The following VARS2 variants were observed in gnomAD, a reference collection of about 807,000 sequenced individuals.
VARS2 encodes valyl-tRNA synthetase 2, mitochondrial.
In VARS2, 105 loss-of-function variants were observed where a neutral mutation model predicts 154.1. The observed-to-expected ratio is 0.68, with a 90% CI of 0.58 to 0.80. The LOEUF (loss-of-function observed/expected upper bound fraction) is 0.80. Among genes scored for constraint, VARS2 ranks in the 30% least tolerant of loss-of-function variants. The pLI, the probability that VARS2 is intolerant of heterozygous loss-of-function variation, is 0.00. For synonymous variants in VARS2, 483 were observed against 539.5 expected (o/e 0.90, Z 1.45); for missense variants, 1,157 against 1,361.4 (o/e 0.85, Z 2.36).
At chr6:30,923,582 C>T in intron 25 of VARS2, 77 bp downstream of exon 25, 1 of 1,547,738 alleles carries the variant, frequency 6.5e-7, no homozygotes, top group South Asian at 1.2e-5. Flanking sequence ...GCAGAGAGCT[C>T]TGGAGTTAAT....
At chr6:30,914,595 C>A in intron 1 of VARS2, 1 of 1,250,076 alleles carries the variant, frequency 8.0e-7, no homozygotes, top group Non-Finnish European at 1.1e-6. Context: ...TCCAGACACT[C>A]CGGCCCTGTT....
At chr6:30,923,616 T>TAGGAG in intron 25 of VARS2, 111 bp downstream of exon 25, 7 of 1,464,858 alleles carry the variant, frequency 4.8e-6, no homozygotes, top group Non-Finnish European at 6.4e-6. Context: ...TCCCCTCAGT[T>TAGGAG]AGGAGAGGAG....
rs1351684617 is a variant in VARS2 at position 30,921,165 on chromosome 6, C to T, written c.1556+24C>T. The T allele has an allele frequency of 1.9e-6, 3 of 1,613,810 alleles. No individual in the cohort carries two copies. The highest frequency in any genetic ancestry group is 2.5e-6 in the Non-Finnish European group (3 of 1,179,848). ...GGGTAAGGGTAGGGTAAGGGGAGCTCTTGTGGAGATGGGGAGGGGGGACTG... is the reference window on the plus strand; with the variant it reads ...GGGTAAGGGTAGGGTAAGGGGAGCTTTTGTGGAGATGGGGAGGGGGGACTG... On this transcript the variant is annotated intron_variant, in intron 16 of 29. Transcript: ENST00000676266. This position sits in a 1 kb window ranked among gnomAD's most constrained non-coding sequence, Gnocchi z 4.6.
Position 30,922,905 on chromosome 6 carries a change from A to G in VARS2, c.2114A>G (p.Asp705Gly), listed in dbSNP as rs1355458021. Residue 705 changes from aspartate (D) to glycine (G), a missense_variant, in exon 23 of 30, where the codon GAC (aspartate) becomes GGC (glycine). Asp to Gly is a moderately conservative substitution (Grantham distance 94). Coordinates refer to ENST00000676266, the MANE Select transcript of VARS2 (RefSeq NM_020442.6). ...TTCTTCCTCTGGTTGCAGAAAAAGG[A>G]CTTTCCTCACGGGATCCCTGAGTGT... Reference protein sequence around the residue: ...LAIVAAAQKKDFPHGIPECGT... With the variant: ...LAIVAAAQKKGFPHGIPECGT... The G allele has an allele frequency of 6.2e-7, 1 of 1,604,786 alleles. No homozygotes were observed. The highest frequency in any genetic ancestry group is 1.7e-5 in the Admixed American group (1 of 59,230).
chr6:30,914,255 GGCTCCAGGGCCAC>G lies in VARS2; in HGVS notation c.-115_-103del. On this transcript the variant is annotated 5_prime_UTR_variant, in exon 1 of 30. An upstream open reading frame in the 5' UTR loses its in-frame stop. Coordinates refer to ENST00000676266, the MANE Select transcript of VARS2 (RefSeq NM_020442.6). Reference sequence around the variant, plus strand: ...GGGGCCCCGCCCCCATGCGCCGCGCGGCTCCAGGGCCACGTTCCAGGGTCGGGTTTGGTGGATT... The same window carrying G: ...GGGGCCCCGCCCCCATGCGCCGCGCGGTTCCAGGGTCGGGTTTGGTGGATT... 1.3e-6 allele frequency: 1 copy of G among 786,144 alleles called. No individual in the cohort carries two copies. Among genetic ancestry groups the G allele is most frequent in the Non-Finnish European group, 1.7e-6 (1 of 579,182 alleles). 48.7% of individuals were successfully genotyped at this position (786,144 alleles called of 1,614,324 possible).
In VARS2 at chr6:30,920,696, C is replaced by T. The variant is rs1794455156; in HGVS notation, c.1426C>T (p.Leu476=). 1 of 1,601,352 alleles carries T rather than the reference C, an allele frequency of 6.2e-7. No homozygotes were observed. The stretch of plus-strand genomic sequence containing the variant: ...TTCTGGGGATGTGATAGAATACCTG[C>T]TGAAGAACCAGTGGTTTGTCCGCTG... The part of the protein sequence containing the change: ...SRSGDVIEYL[L]KNQWFVRCQE... Residue 476 remains leucine (L), a synonymous_variant, in exon 15 of 30, where the codon CTG becomes TTG. Coordinates refer to ENST00000676266, the MANE Select transcript of VARS2 (RefSeq NM_020442.6). The surrounding 1 kb of genome is among the most constrained non-coding windows in gnomAD (Gnocchi z 4.6).
rs1479962254 is a variant in VARS2 at position 30,914,343 on chromosome 6, T to C, written c.-29T>C. ...GCCCTGGGATAGCGGCGGGGCCTCC[T>C]GGTGAGCGCGCGCCGGGGCGGCCTC... On this transcript the variant is annotated splice_region_variant and 5_prime_UTR_variant, in exon 1 of 30. It removes the in-frame stop codon of an upstream open reading frame in the 5' UTR. Coordinates refer to ENST00000676266, the MANE Select transcript of VARS2 (RefSeq NM_020442.6). 13 of 1,235,408 alleles carry C rather than the reference T, an allele frequency of 1.1e-5. No individual in the cohort carries two copies. The highest frequency in any genetic ancestry group is 1.3e-5 in the Non-Finnish European group (13 of 986,750). The allele number at this position is 1,235,408 out of a possible 1,614,324, so 76.5% of individuals were successfully genotyped here.
In VARS2 at chr6:30,922,477, A is replaced by G; in HGVS notation, c.1960A>G (p.Arg654Gly). ...KVLLHPMVRDRQGRKMSKSLG... is the reference protein window; with the variant it reads ...KVLLHPMVRDGQGRKMSKSLG... ...GCTTCTTCATCCCATGGTTCGGGACAGGCAGGGCCGGAAGATGAGCAAGTC... is the reference window on the plus strand; with the variant it reads ...GCTTCTTCATCCCATGGTTCGGGACGGGCAGGGCCGGAAGATGAGCAAGTC... The change falls in exon 21 of 30, where the codon AGG becomes GGG. Residue 654 changes from arginine to glycine, a missense_variant. Coordinates refer to ENST00000676266, the MANE Select transcript of VARS2 (RefSeq NM_020442.6). 6.2e-7 allele frequency: 1 copy of G among 1,600,988 alleles called. No individual in the cohort carries two copies. Among genetic ancestry groups the G allele is most frequent in the Non-Finnish European group, 8.5e-7 (1 of 1,174,460 alleles).
chr6:30,915,378 G>T lies in VARS2; in HGVS notation c.307G>T (p.Ala103Ser), dbSNP rs1794088630. The T allele has an allele frequency of 2.5e-6, 4 of 1,614,188 alleles. No individual in the cohort carries two copies. Among genetic ancestry groups the T allele is most frequent in the Non-Finnish European group, 2.5e-6 (3 of 1,180,028 alleles). ...AGATGTCTCTGGGCCCCTGCCTCCT[G>T]CATACAGCCCCCGATATGTTGAGGC... ...KKDVSGPLPP[A>S]YSPRYVEAAW... The change falls in exon 4 of 30, where the codon GCA becomes TCA. Residue 103 changes from alanine (A) to serine (S), a missense_variant. Ala to Ser is a moderately conservative substitution (Grantham distance 99). Transcript: ENST00000676266.
In VARS2 at chr6:30,916,683, C is replaced by T; in HGVS notation, c.672-195C>T. The T allele has an allele frequency of 1.6e-6, 1 of 611,058 alleles. No individual in the cohort carries two copies. Among genetic ancestry groups the T allele is most frequent in the Admixed American group, 3.0e-5 (1 of 33,464 alleles). 37.9% of individuals were successfully genotyped at this position (611,058 alleles called of 1,614,324 possible). ...TATCCCTCCTCTCTTCCTATAGAAT[C>T]TTTTGCCTCTTTTAATATCTTAGAA... On this transcript the variant is annotated intron_variant, in intron 7 of 29. Coordinates refer to ENST00000676266, the MANE Select transcript of VARS2 (RefSeq NM_020442.6). The surrounding 1 kb of genome is among the most constrained non-coding windows in gnomAD (Gnocchi z 4.0).
chr6:30,925,466 A>G, intron 27 of VARS2, 78 bp from the exon 28 acceptor site: 4 of 1,563,044 alleles, frequency 2.6e-6, no homozygotes, highest in Admixed American at 1.9e-5. Flanking sequence ...TGAAGGGCCA[A>G]CCCCCCCGTT....
chr6:30,923,822 G>T, intron 25 of VARS2: 1 of 431,660 alleles, frequency 2.3e-6, no homozygotes, highest in East Asian at 4.2e-5. Flanking sequence ...TGGGCAGGCT[G>T]CGTGCTGAGA....
At chr6:30,914,693 G>A in intron 1 of VARS2, 117 bp from the exon 2 acceptor site, 2 of 1,166,942 alleles carry the variant, frequency 1.7e-6, no homozygotes, top group Non-Finnish European at 2.4e-6. Flanking sequence ...TTTTGTGGAA[G>A]GGAATAGAGA....
In VARS2 at chr6:30,925,540, C is replaced by A; in HGVS notation, c.2786-4C>A. 2 of 1,574,532 alleles carry A rather than the reference C, an allele frequency of 1.3e-6. No homozygotes were observed. Among genetic ancestry groups the A allele is most frequent in the South Asian group, 1.2e-5 (1 of 85,236 alleles). On this transcript the variant is annotated splice_polypyrimidine_tract_variant and splice_region_variant and intron_variant, in intron 27 of 29. Coordinates refer to ENST00000676266, the MANE Select transcript of VARS2 (RefSeq NM_020442.6). ...CTTGCCCCTGACAGTTTCTTTCTTT[C>A]CAGTGCTGCTGCAGAGCTCAGAGCC...
intron 1 of VARS2, 195 bp from the exon 2 acceptor site, chr6:30,914,615 C>A: frequency 3.4e-6 from 4 of 1,159,816 alleles, no homozygotes; most frequent in South Asian, 3.4e-5. Context: ...TCCGGAAGAG[C>A]CCTGATATCC....
intron 26 of VARS2, 139 bp downstream of exon 26, chr6:30,924,699 C>T: frequency 1.6e-6 from 1 of 608,888 alleles, no homozygotes; most frequent in Non-Finnish European, 2.9e-6. Flanking sequence ...ATTGTTCCTG[C>T]AGGGTTGCTG....
In VARS2 at chr6:30,921,002, C is replaced by G; in HGVS notation, c.1480-63C>G. On this transcript the variant is annotated intron_variant, in intron 15 of 29. Transcript: ENST00000676266. This position sits in a 1 kb window ranked among gnomAD's most constrained non-coding sequence, Gnocchi z 4.6. ...AAAATGACCTCAGAGGCCACTCGTC[C>G]TATCTGTGGAGGTGCGGCCGTGCAG... 1.3e-6 allele frequency: 2 copies of G among 1,509,670 alleles called. No homozygotes were observed. The highest frequency in any genetic ancestry group is 1.8e-6 in the Non-Finnish European group (2 of 1,116,606). 93.5% of individuals were successfully genotyped at this position (1,509,670 alleles called of 1,614,324 possible).
chr6:30,915,073 G>C, intron 2 of VARS2, 36 bp downstream of exon 2: 1 of 1,612,196 alleles, frequency 6.2e-7, no homozygotes, highest in Non-Finnish European at 8.5e-7. Flanking sequence ...GGGTTTCTGA[G>C]ACTTGAGAGG....
Position 30,919,533 on chromosome 6 carries a change from G to A in VARS2, c.1075-225G>A. The A allele has an allele frequency of 2.4e-6, 1 of 421,022 alleles. No homozygotes were observed. Among genetic ancestry groups the A allele is most frequent in the Non-Finnish European group, 4.2e-6 (1 of 236,966 alleles). The allele number at this position is 421,022 out of a possible 1,614,324, so 26.1% of individuals were successfully genotyped here. On this transcript the variant is annotated intron_variant, in intron 11 of 29. Coordinates refer to ENST00000676266, the MANE Select transcript of VARS2 (RefSeq NM_020442.6). This position sits in a 1 kb window ranked among gnomAD's most constrained non-coding sequence, Gnocchi z 4.5. ...TGGCTGCTATTATATACCCTCTCCA[G>A]CTCTGCTGCAGTGGCATAATAGAGT...
Sources: gnomAD v4.1 joint callset for allele counts on GRCh38, gnomAD v4.1.1 for gene constraint, Gnocchi (gnomAD v3.1) non-coding constraint, MANE v1.5 for transcripts, NCBI Gene and HGNC (gene_info 2026-07-23, HGNC 2026-07-21) for gene names.